Variants in COX10 observed in about 807,000 individuals in gnomAD.
COX10 encodes the protein cytochrome c oxidase assembly factor heme A:farnesyltransferase COX10.
Under a neutral mutation model 37.3 loss-of-function variants are expected in COX10, and 27 were observed. That is an observed-to-expected ratio of 0.72 (90% confidence interval 0.53 to 1.00). The LOEUF (loss-of-function observed/expected upper bound fraction) is 1.00, where lower values mean the gene tolerates loss of function less well. Among genes scored for constraint, COX10 ranks in the 50% least tolerant of loss-of-function variants. The pLI is 0.00. For synonymous variants in COX10, 222 were observed against 229.1 expected, an observed-to-expected ratio of 0.97 and a Z score of 0.28; for missense variants, 475 against 563.2, an observed-to-expected ratio of 0.84 and a Z score of 1.59.
chr17:14,085,036 C>A (rs1915379061), intron 3 of COX10, among the ~76,000 whole-genome samples: 1 of 152,106 alleles, frequency 6.6e-6, no homozygotes, highest in Non-Finnish European at 1.5e-5. Context: ...GCAGTACAGC[C>A]TCTGGAGTCA....
intron 1 of COX10, 119 bp from the exon 2 acceptor site, chr17:14,074,204 C>G: frequency 9.8e-7 from 1 of 1,017,774 alleles, no homozygotes; most frequent in South Asian, 1.3e-5. Flanking sequence ...AAAGCTCTGA[C>G]CCATCACACA....
In COX10 at chr17:14,102,299, T is replaced by C. The variant is rs924179743; in HGVS notation, c.624+57T>C. The C allele has an allele frequency of 2.5e-6, 4 of 1,605,396 alleles. No individual in the cohort carries two copies. The Middle Eastern group carries it at 7.1e-4, about 284-fold the overall frequency. ...ATTGTCACTTTTTCCTAGATGGCTG[T>C]ATTGTCATATTTTTAAATACCTTCC... On this transcript the variant is annotated intron_variant, in intron 4 of 6. Transcript: ENST00000261643.
At chr17:14,099,247 G>A (rs1231397622) in intron 3 of COX10, among the ~76,000 whole-genome samples, 1 of 152,034 alleles carries the variant, frequency 6.6e-6, no homozygotes, top group Non-Finnish European at 1.5e-5. Flanking sequence ...AGGACCCCTT[G>A]CCAAAATACT....
chr17:14,097,743 C>T (rs905314586), intron 3 of COX10, among the ~76,000 whole-genome samples: 12 of 152,198 alleles, frequency 7.9e-5, no homozygotes, highest in African/African-American at 2.9e-4. Flanking sequence ...GATTATGGGG[C>T]TTTCTTGTCC....
At chr17:14,141,392 A>AGCTAG (rs1904538302) in intron 4 of COX10, among the ~76,000 whole-genome samples, 1 of 151,838 alleles carries the variant, frequency 6.6e-6, no homozygotes, top group Non-Finnish European at 1.5e-5. Flanking sequence ...ATACAAAATT[A>AGCTAG]GCTAGGCGTG....
Position 14,206,984 on chromosome 17 carries a change from C to A in COX10, c.1103C>A (p.Ser368Tyr). The change falls in exon 7 of 7, where the codon TCC becomes TAC. Residue 368 changes from serine (S) to tyrosine (Y), a missense_variant. This residue lies in a region of COX10 where 160 missense variants were observed against 180.6 expected (regional missense o/e 0.89). Coordinates refer to ENST00000261643, the MANE Select transcript of COX10 (RefSeq NM_001303.4). ...LRHCLALLVL[S>Y]AAAPVLDITT... Reference sequence around the variant, plus strand: ...CACTGCCTGGCCCTGCTCGTGCTGTCCGCAGCAGCCCCTGTGCTGGACATC... The same window carrying A: ...CACTGCCTGGCCCTGCTCGTGCTGTACGCAGCAGCCCCTGTGCTGGACATC... 6.2e-7 allele frequency: 1 copy of A among 1,614,054 alleles called. No homozygotes were observed.
intron 4 of COX10, among the ~76,000 whole-genome samples, chr17:14,103,452 C>T (rs1019871498): frequency 2.6e-5 from 4 of 152,032 alleles, no homozygotes; most frequent in Non-Finnish European, 5.9e-5. Flanking sequence ...GCCTCCTTTT[C>T]GTAAATTGAA....
Position 14,069,651 on chromosome 17 carries a change from A to G in COX10, c.43+3A>G. On this transcript the variant is annotated splice_donor_region_variant and intron_variant, in intron 1 of 6. Coordinates refer to ENST00000261643, the MANE Select transcript of COX10 (RefSeq NM_001303.4). ...TCTCTCCTCACGCCTCCTGACAGGT[A>G]CTGTACCCGCCTTGGGCACGACCTT... The G allele has an allele frequency of 6.2e-7, 1 of 1,614,050 alleles. No homozygotes were observed. Among genetic ancestry groups the G allele is most frequent in the East Asian group, 2.2e-5 (1 of 44,854 alleles).
In COX10 at chr17:14,206,870, G is replaced by C. The variant is rs756896122; in HGVS notation, c.989G>C (p.Ser330Thr). 3 of 1,614,040 alleles carry C rather than the reference G, an allele frequency of 1.9e-6. No homozygotes were observed. The African/African-American group carries it at 4.0e-5, about 22-fold the overall frequency. Residue 330 changes from serine (S) to threonine (T), a missense_variant, in exon 7 of 7, where the codon AGC becomes ACC. By Grantham distance (58) the Ser-to-Thr change is moderately conservative. Around this residue, in one of 5 missense-constraint regions of COX10, gnomAD observed 160 missense variants for 180.6 expected, o/e 0.89. Coordinates refer to ENST00000261643, the MANE Select transcript of COX10 (RefSeq NM_001303.4). ...CAGTTTCCTCATTTCAACGCCCTGA[G>C]CTGGGGCCTCCGTGAAGACTACTCC... is the stretch of plus-strand genomic sequence containing the variant. ...SWQFPHFNAL[S>T]WGLREDYSRG...
chr17:14,190,930 C>T (rs2142262431), intron 5 of COX10, among the ~76,000 whole-genome samples: 1 of 152,208 alleles, frequency 6.6e-6, no homozygotes, highest in South Asian at 2.1e-4. Flanking sequence ...GTTTTTAAAA[C>T]CAGAGCACTC....
At chr17:14,107,329 T>G (rs1597503482) in intron 4 of COX10, among the ~76,000 whole-genome samples, 1 of 152,112 alleles carries the variant, frequency 6.6e-6, no homozygotes, top group South Asian at 2.1e-4. Context: ...ATAGCTAGGG[T>G]GACCATATGT....
At chr17:14,104,316 T>C (rs1567592008) in intron 4 of COX10, among the ~76,000 whole-genome samples, 1 of 152,182 alleles carries the variant, frequency 6.6e-6, no homozygotes, top group Non-Finnish European at 1.5e-5. Context: ...ATGTTAGGGA[T>C]ATTTTAGTTC....
chr17:14,120,060 T>C (rs1282678962), intron 4 of COX10, among the ~76,000 whole-genome samples: 1 of 152,100 alleles, frequency 6.6e-6, no homozygotes, highest in Non-Finnish European at 1.5e-5. Flanking sequence ...AGAGGTTGAT[T>C]AGCAGTGGTG....
chr17:14,105,334 C>T (rs888836159), intron 4 of COX10, among the ~76,000 whole-genome samples: 2 of 152,130 alleles, frequency 1.3e-5, no homozygotes, highest in Admixed American at 1.3e-4. Context: ...CTATAAGTAA[C>T]ACTGCACAGA....
intron 4 of COX10, among the ~76,000 whole-genome samples, chr17:14,129,147 ATTT>A (rs376366835): frequency 1.5e-5 from 2 of 137,608 alleles, no homozygotes; most frequent in Admixed American, 7.2e-5. Context: ...TGCCCGGCCT[ATTT>A]TTTTTTTTTT....
intron 6 of COX10, among the ~76,000 whole-genome samples, chr17:14,199,769 T>C (rs2142268218): frequency 6.6e-6 from 1 of 152,346 alleles, no homozygotes; most frequent in Admixed American, 6.5e-5. Context: ...TGCAGCACCA[T>C]AGAAGTCTAT....
intron 4 of COX10, among the ~76,000 whole-genome samples, chr17:14,102,825 C>T (rs11654038): frequency 0.46 from 70,224 of 151,874 alleles, 16,529 homozygotes; most frequent in East Asian, 0.54. Flanking sequence ...TCACTGTGGT[C>T]TGCCTTAACG....
intron 6 of COX10, among the ~76,000 whole-genome samples, chr17:14,195,479 A>G (rs1231057071): frequency 2.0e-5 from 3 of 152,218 alleles, no homozygotes; most frequent in Non-Finnish European, 2.9e-5. Context: ...GCAAAGGCAC[A>G]TGTACCTAGT....
chr17:14,139,693 G>A (rs1597516836), intron 4 of COX10, among the ~76,000 whole-genome samples: 3 of 152,170 alleles, frequency 2.0e-5, no homozygotes, highest in East Asian at 3.9e-4. Flanking sequence ...ATACAGGTGG[G>A]CATATTTGAA....
Sources: gnomAD v4.1 joint callset for allele counts (sites outside exome capture counted in the v4.1 genomes callset) on GRCh38, gnomAD v4.1.1 for gene constraint, gnomAD v4.1.1 regional missense constraint, MANE v1.5 for transcripts, NCBI Gene and HGNC (gene_info 2026-07-23, HGNC 2026-07-21) for gene names.